The following TRPC5 variants were observed in gnomAD, a reference collection of about 807,000 sequenced individuals.
TRPC5 encodes the protein short transient receptor potential channel 5.
In TRPC5, 9 loss-of-function variants were observed where a neutral mutation model predicts 56.5. The ratio of observed to expected loss-of-function variants is 0.16; its 90% CI spans 0.10 to 0.28. TRPC5 has a LOEUF of 0.28. TRPC5 is among the 10% of genes least tolerant of loss of function. The pLI is 1.00. For missense variants in TRPC5, 469 were observed against 748.9 expected, an observed-to-expected ratio of 0.63 and a Z score of 4.36; for synonymous variants, 282 against 278.5, an observed-to-expected ratio of 1.01 and a Z score of -0.13.
intron 1 of TRPC5, among the ~76,000 whole-genome samples, chrX:112,052,474 T>G (rs938419802): frequency 9.9e-5 from 11 of 111,657 alleles, no homozygotes; most frequent in Admixed American, 2.9e-4. Context: ...TTGATTTTTT[T>G]GGGGAATATT....
At chrX:112,068,829 A>T (rs974813896) in intron 1 of TRPC5, among the ~76,000 whole-genome samples, 12 of 112,166 alleles carry the variant, frequency 1.1e-4, no homozygotes, top group Non-Finnish European at 1.9e-5. Flanking sequence ...CCCTGTCTTT[A>T]AAAAGAGATG....
At chrX:111,834,278 C>T (rs988460268) in intron 7 of TRPC5, among the ~76,000 whole-genome samples, 5 of 111,177 alleles carry the variant, frequency 4.5e-5, no homozygotes, top group Middle Eastern at 4.3e-3. Flanking sequence ...AGTGCAGTTA[C>T]TTATATATAC....
chrX:111,835,189 A>T, intron 6 of TRPC5, 73 bp from the exon 7 acceptor site: 1 of 955,575 alleles, frequency 1.0e-6, no homozygotes, highest in Non-Finnish European at 1.4e-6. Context: ...ATGTAAGGTG[A>T]TCTGCTTAAC....
intron 1 of TRPC5, among the ~76,000 whole-genome samples, chrX:112,007,851 G>A (rs16986734): frequency 0.073 from 8,101 of 111,183 alleles, 574 homozygotes; most frequent in African/African-American, 0.21. Context: ...TCTGCTTGTT[G>A]ACCAGTGGTA....
At chrX:112,067,424 G>A (rs1306388125) in intron 1 of TRPC5, among the ~76,000 whole-genome samples, 1 of 112,580 alleles carries the variant, frequency 8.9e-6, no homozygotes, top group Admixed American at 9.4e-5. Flanking sequence ...TATTCCTCGA[G>A]ACAACTATTT....
rs1357848916 is a variant in TRPC5, at chrX:111,878,219, T to A, written c.901-24113A>T. Among the ~76,000 whole-genome samples, 5 of 108,866 alleles carry A rather than the reference T, an allele frequency of 4.6e-5. No individual in the cohort carries two copies. The Admixed American group carries it at 4.9e-4, about 11-fold the overall frequency. The allele number at this position is 108,866 out of a possible 115,157, so 94.5% of individuals were successfully genotyped here. A position where few individuals can be genotyped will look rare whatever the true frequency, so the allele number is the denominator to read the frequency against. Reference sequence around the variant, plus strand: ...TATCAAAATATCACATTGTATCCCATAAATAAATACAATTATGTCAATTAA... The same window carrying A: ...TATCAAAATATCACATTGTATCCCAAAAATAAATACAATTATGTCAATTAA... On this transcript the variant is annotated intron_variant, in intron 3 of 10. Transcript: ENST00000262839.
At chrX:112,056,172 A>G (rs943571102) in intron 1 of TRPC5, among the ~76,000 whole-genome samples, 23 of 111,771 alleles carry the variant, frequency 2.1e-4, no homozygotes, top group Non-Finnish European at 3.8e-4. Flanking sequence ...AAGTCTGTGC[A>G]GTGGCTCAAG....
chrX:111,822,477 C>T (rs1757199024), intron 7 of TRPC5, among the ~76,000 whole-genome samples: 1 of 111,748 alleles, frequency 8.9e-6, no homozygotes, highest in South Asian at 3.8e-4. Context: ...ATCAGATTGT[C>T]AAAGGAATCT....
intron 1 of TRPC5, among the ~76,000 whole-genome samples, chrX:112,010,198 T>A (rs1928954848): frequency 1.8e-5 from 2 of 111,772 alleles, no homozygotes; most frequent in Non-Finnish European, 3.8e-5. Context: ...CCATTTAGCA[T>A]CTCTAAGCCA....
At chrX:112,058,431 G>A (rs1930387590) in intron 1 of TRPC5, among the ~76,000 whole-genome samples, 1 of 112,293 alleles carries the variant, frequency 8.9e-6, no homozygotes, top group African/African-American at 3.2e-5. Context: ...AACAGCTGGT[G>A]TGAGCAGATA....
At chrX:111,778,410 G>T (rs936644640) in intron 10 of TRPC5, among the ~76,000 whole-genome samples, 1 of 111,458 alleles carries the variant, frequency 9.0e-6, no homozygotes, top group Non-Finnish European at 1.9e-5. Flanking sequence ...ACTATTCATT[G>T]TAGGATGCTT....
intron 3 of TRPC5, among the ~76,000 whole-genome samples, chrX:111,908,759 G>A (rs895282259): frequency 1.2e-4 from 13 of 112,038 alleles, no homozygotes; most frequent in African/African-American, 3.9e-4. Context: ...AAATTACTTT[G>A]ATTACTTACT....
At chrX:111,862,806 G>A (rs746502006) in intron 3 of TRPC5, among the ~76,000 whole-genome samples, 2 of 111,928 alleles carry the variant, frequency 1.8e-5, no homozygotes, top group Admixed American at 9.5e-5. Flanking sequence ...TCTAGTCCAC[G>A]AACATGGAAT....
chrX:111,923,840 G>A (rs1027875367), intron 2 of TRPC5, among the ~76,000 whole-genome samples: 1 of 111,815 alleles, frequency 8.9e-6, no homozygotes, highest in African/African-American at 3.3e-5. Flanking sequence ...TCTAATCAAC[G>A]CGTCCCTAGC....
At chrX:111,957,022 A>C (rs933456728) in intron 1 of TRPC5, among the ~76,000 whole-genome samples, 1 of 112,287 alleles carries the variant, frequency 8.9e-6, no homozygotes, top group African/African-American at 3.2e-5. Flanking sequence ...CAAATGTTTA[A>C]TGTCAGCAGT....
intron 1 of TRPC5, among the ~76,000 whole-genome samples, chrX:112,072,083 A>G (rs1569530665): frequency 8.9e-6 from 1 of 112,022 alleles, no homozygotes; most frequent in South Asian, 3.7e-4. Context: ...TGCTAGAGTA[A>G]GTGACTCTAC....
intron 1 of TRPC5, among the ~76,000 whole-genome samples, chrX:112,021,058 A>C (rs1929258972): frequency 9.1e-6 from 1 of 110,029 alleles, no homozygotes; most frequent in African/African-American, 3.3e-5. Context: ...GAATGGAAGA[A>C]ACTGGCAGAA....
At chrX:112,048,090 G>T (rs766777346) in intron 1 of TRPC5, among the ~76,000 whole-genome samples, 1 of 111,697 alleles carries the variant, frequency 9.0e-6, no homozygotes, top group South Asian at 3.7e-4. Flanking sequence ...GTTGGGAAAA[G>T]TTGTAAATGA....
chrX:111,797,317 T>A (rs757122749), intron 7 of TRPC5, among the ~76,000 whole-genome samples: 1 of 112,368 alleles, frequency 8.9e-6, no homozygotes, highest in South Asian at 3.7e-4. Flanking sequence ...ATTTTCATTA[T>A]ATTTTCAAAG....
Sources: gnomAD v4.1 joint callset for allele counts (sites outside exome capture counted in the v4.1 genomes callset) on GRCh38, gnomAD v4.1.1 for gene constraint, MANE v1.5 for transcripts, NCBI Gene and HGNC (gene_info 2026-07-23, HGNC 2026-07-21) for gene names.